Variants in PDE10A observed in about 807,000 individuals in gnomAD.
The protein encoded by PDE10A is phosphodiesterase 10A.
In PDE10A, 39 loss-of-function variants were observed where a neutral mutation model predicts 97.7. The observed-to-expected ratio is 0.40, with a 90% CI of 0.31 to 0.52. The LOEUF (loss-of-function observed/expected upper bound fraction) is 0.52, where lower values mean the gene tolerates loss of function less well. Ranked by LOEUF, PDE10A falls within the 20% of genes least tolerant of loss-of-function variation. The pLI is 0.56. For synonymous variants in PDE10A, 371 were observed against 376.8 expected, an observed-to-expected ratio of 0.98 and a Z score of 0.18; for missense variants, 731 against 1,047.8, an observed-to-expected ratio of 0.70 and a Z score of 4.17.
chr6:165,360,580 GGA>G (rs1221361966), intron 18 of PDE10A, among the ~76,000 whole-genome samples: 98 of 152,156 alleles, frequency 6.4e-4, no homozygotes, highest in Admixed American at 3.3e-4. Context: ...TGGATTTATT[GGA>G]GATACAGGCT....
intron 13 of PDE10A, among the ~76,000 whole-genome samples, chr6:165,396,698 C>T (rs993453659): frequency 1.3e-5 from 2 of 152,100 alleles, no homozygotes; most frequent in Non-Finnish European, 2.9e-5. Flanking sequence ...CAGACATTAT[C>T]TCTGGGTGAT....
intron 1 of PDE10A, among the ~76,000 whole-genome samples, chr6:165,899,134 G>T (rs1430955343): frequency 6.6e-6 from 1 of 152,194 alleles, no homozygotes; most frequent in Non-Finnish European, 1.5e-5. Flanking sequence ...AATGAGACCA[G>T]CAACTTTTGT....
intron 1 of PDE10A, among the ~76,000 whole-genome samples, chr6:165,581,144 C>T (rs1307031869): frequency 3.9e-5 from 6 of 152,180 alleles, no homozygotes; most frequent in Non-Finnish European, 8.8e-5. Context: ...AACTTTACCA[C>T]TCATAAAAAT....
chr6:165,966,786 C>T (rs563887263), intron 1 of PDE10A, among the ~76,000 whole-genome samples: 1 of 152,272 alleles, frequency 6.6e-6, no homozygotes, highest in East Asian at 1.9e-4. Flanking sequence ...GTATTTATTT[C>T]ATTGTGGTTA....
intron 1 of PDE10A, among the ~76,000 whole-genome samples, chr6:165,837,807 T>C (rs1465216838): frequency 6.6e-6 from 1 of 151,898 alleles, no homozygotes; most frequent in Non-Finnish European, 1.5e-5. Flanking sequence ...TGCCTCAGCC[T>C]CCTGAGTAGC....
intron 1 of PDE10A, among the ~76,000 whole-genome samples, chr6:165,619,828 G>A (rs73786673): frequency 0.19 from 29,532 of 151,888 alleles, 4,350 homozygotes; most frequent in African/African-American, 0.42. Context: ...AGACAACCCC[G>A]GGCCCTCACT....
intron 1 of PDE10A, among the ~76,000 whole-genome samples, chr6:165,885,306 G>A (rs149470265): frequency 0.017 from 2,621 of 152,282 alleles, 35 homozygotes; most frequent in Non-Finnish European, 0.027. Flanking sequence ...GAAGGCAAAG[G>A]GGAAGTGGGC....
rs1781129507 is a variant in PDE10A at position 165,327,826 on chromosome 6, A to G, written c.*5199T>C. 6.6e-6 allele frequency: 1 copy of G among 152,240 alleles called. No individual in the cohort carries two copies. The highest frequency in any genetic ancestry group is 6.5e-5 in the Admixed American group (1 of 15,284). The allele number at this position is 152,240 out of a possible 1,614,324, so 9.4% of individuals were successfully genotyped here. ...CTATTAAAATTCTGGACACAGGTTC[A>G]TTGACTCTACAAATCAGTTCTTCAT... On this transcript the variant is annotated 3_prime_UTR_variant, in exon 22 of 22. Coordinates refer to ENST00000539869, the MANE Select transcript of PDE10A (RefSeq NM_001385079.1).
chr6:165,838,059 C>T (rs1429372040), intron 1 of PDE10A, among the ~76,000 whole-genome samples: 1 of 152,202 alleles, frequency 6.6e-6, no homozygotes, highest in Non-Finnish European at 1.5e-5. Context: ...GTACAAGCTT[C>T]CTTCTGCCCG....
At chr6:165,542,433 T>G (rs1242998523) in intron 2 of PDE10A, among the ~76,000 whole-genome samples, 1 of 151,212 alleles carries the variant, frequency 6.6e-6, no homozygotes, top group Non-Finnish European at 1.5e-5. Context: ...CCATTAAAAA[T>G]ACACGTGTTT....
At chr6:165,933,988 CTTTTTTT>C (rs35582422) in intron 1 of PDE10A, among the ~76,000 whole-genome samples, 1 of 140,288 alleles carries the variant, frequency 7.1e-6, no homozygotes, top group Non-Finnish European at 1.6e-5. Flanking sequence ...CATCAATTCC[CTTTTTTT>C]TTTTTTTTAG....
chr6:165,966,831 A>G (rs10946111), intron 1 of PDE10A, among the ~76,000 whole-genome samples: 23,095 of 152,218 alleles, frequency 0.15, 1,972 homozygotes, highest in Non-Finnish European at 0.2. Flanking sequence ...ATGCCAAAAG[A>G]GATTTCAGGT....
chr6:165,379,785 G>C (rs888623493), intron 17 of PDE10A, among the ~76,000 whole-genome samples: 8 of 152,036 alleles, frequency 5.3e-5, no homozygotes, highest in Non-Finnish European at 1.0e-4. Context: ...GGCTAAAAAA[G>C]GCATCTATAT....
chr6:165,602,170 T>C (rs931954102), intron 1 of PDE10A, among the ~76,000 whole-genome samples: 2 of 152,136 alleles, frequency 1.3e-5, no homozygotes, highest in Non-Finnish European at 2.9e-5. Context: ...ATCAATCAAG[T>C]AAGGCACGCT....
At chr6:165,619,664 C>G (rs199733944) in intron 1 of PDE10A, among the ~76,000 whole-genome samples, 89 of 104,994 alleles carry the variant, frequency 8.5e-4, no homozygotes, top group African/African-American at 4.5e-3. Context: ...GTAGTATAGT[C>G]TAGTGTAGTG....
At chr6:165,912,656 G>A (rs1782495142) in intron 1 of PDE10A, among the ~76,000 whole-genome samples, 1 of 152,216 alleles carries the variant, frequency 6.6e-6, no homozygotes. Context: ...GAGGAATTGT[G>A]TTCATGCTTG....
chr6:165,338,789 A>T (rs1311521887), intron 20 of PDE10A, among the ~76,000 whole-genome samples: 1 of 152,200 alleles, frequency 6.6e-6, no homozygotes, highest in Non-Finnish European at 1.5e-5. Flanking sequence ...AGTCGTGGCC[A>T]AGGTAGTATG....
intron 1 of PDE10A, among the ~76,000 whole-genome samples, chr6:165,928,130 A>G (rs1050574271): frequency 6.6e-6 from 1 of 151,934 alleles, no homozygotes; most frequent in Non-Finnish European, 1.5e-5. Context: ...TATACACTAT[A>G]TACATTTAAA....
chr6:165,461,584 T>C (rs1778331325), intron 3 of PDE10A, among the ~76,000 whole-genome samples: 1 of 152,234 alleles, frequency 6.6e-6, no homozygotes, highest in African/African-American at 2.4e-5. Flanking sequence ...TCAGTTACGA[T>C]TTCATACAGA....
Sources: gnomAD v4.1 joint callset for allele counts (sites outside exome capture counted in the v4.1 genomes callset) on GRCh38, gnomAD v4.1.1 for gene constraint, MANE v1.5 for transcripts, NCBI Gene and HGNC (gene_info 2026-07-23, HGNC 2026-07-21) for gene names.